Variants in UBASH3B observed in about 807,000 individuals in gnomAD.
UBASH3B encodes ubiquitin-associated and SH3 domain-containing protein B.
A neutral mutation model predicts 83.4 loss-of-function variants in UBASH3B; 37 were observed. That is an observed-to-expected ratio of 0.44 (90% CI 0.34 to 0.58). The LOEUF is 0.58. Ranked by LOEUF, UBASH3B falls within the 20% of genes least tolerant of loss-of-function variation. The pLI is 0.01. For synonymous variants in UBASH3B, 304 were observed against 318.3 expected, an observed-to-expected ratio of 0.96 and a Z score of 0.48; for missense variants, 657 against 827.2, an observed-to-expected ratio of 0.79 and a Z score of 2.52.
chr11:122,731,916 C>T (rs970922749), intron 1 of UBASH3B, among the ~76,000 whole-genome samples: 4 of 152,134 alleles, frequency 2.6e-5, no homozygotes, highest in South Asian at 2.1e-4. Flanking sequence ...CCCATGGCCA[C>T]GTTCTTTAGT....
intron 11 of UBASH3B, among the ~76,000 whole-genome samples, chr11:122,803,571 T>TA (rs1487654159): frequency 6.6e-6 from 1 of 151,860 alleles, no homozygotes; most frequent in African/African-American, 2.4e-5. Flanking sequence ...ACCCCAGCCT[T>TA]GAGGAGCTGG....
chr11:122,800,854 TC>T (rs1861246116), intron 10 of UBASH3B, among the ~76,000 whole-genome samples: 3 of 152,048 alleles, frequency 2.0e-5, no homozygotes, highest in Admixed American at 2.0e-4. Flanking sequence ...TAATCTGCCC[TC>T]CTCCGCCTCC....
intron 1 of UBASH3B, among the ~76,000 whole-genome samples, chr11:122,688,613 AT>A (rs1472092571): frequency 8.8e-6 from 1 of 113,956 alleles, no homozygotes; most frequent in Admixed American, 1.0e-4. Flanking sequence ...CGTCTGGCTA[AT>A]TTTTTTCTTT....
intron 1 of UBASH3B, among the ~76,000 whole-genome samples, chr11:122,661,952 G>C (rs1273998798): frequency 6.9e-6 from 1 of 144,226 alleles, no homozygotes; most frequent in Non-Finnish European, 1.5e-5. Flanking sequence ...TGTTGCCCAA[G>C]CTGGAGTGCA....
At chr11:122,760,537 A>G (rs1411996663) in intron 1 of UBASH3B, among the ~76,000 whole-genome samples, 2 of 151,884 alleles carry the variant, frequency 1.3e-5, no homozygotes, top group African/African-American at 2.4e-5. Flanking sequence ...ATTTTTTTGT[A>G]TTTTTAGTAG....
chr11:122,774,450 G>A lies in UBASH3B; in HGVS notation c.162-1769G>A, dbSNP rs77753395. ...TCACCCCAGCCAGGCTGCTTTAAGC[G>A]CATTTCATCACTTCTTTCCACCTGA... On this transcript the variant is annotated intron_variant, in intron 1 of 13. Transcript: ENST00000284273. Among the ~76,000 whole-genome samples the A allele has an allele frequency of 9.8e-3, 1,493 of 152,296 alleles. 18 individuals are homozygous for A. Among genetic ancestry groups the A allele is most frequent in the African/African-American group, 0.034 (1,407 of 41,552 alleles).
intron 1 of UBASH3B, among the ~76,000 whole-genome samples, chr11:122,739,158 G>A (rs1055852972): frequency 6.6e-5 from 10 of 152,028 alleles, no homozygotes; most frequent in East Asian, 1.9e-4. Flanking sequence ...CACCACACCC[G>A]GGTAATTTGT....
chr11:122,682,828 G>A lies in UBASH3B; in HGVS notation c.161+26618G>A, dbSNP rs946775379. 3.5e-4 allele frequency among the ~76,000 whole-genome samples: 53 copies of A among 152,152 alleles called. 1 individual carries two copies. Among genetic ancestry groups the A allele is most frequent in the Non-Finnish European group, 2.9e-5 (2 of 68,034 alleles). ...AACTACTGATTAAAAAAATTTAATG[G>A]AAATTTTCTAACTTATCCTAAGGTA... On this transcript the variant is annotated intron_variant, in intron 1 of 13. Coordinates refer to ENST00000284273, the MANE Select transcript of UBASH3B (RefSeq NM_032873.5).
intron 1 of UBASH3B, among the ~76,000 whole-genome samples, chr11:122,669,379 G>C (rs926700211): frequency 6.6e-6 from 1 of 152,024 alleles, no homozygotes; most frequent in Non-Finnish European, 1.5e-5. Flanking sequence ...TCCTGTCTCT[G>C]TCTGTGACTC....
intron 1 of UBASH3B, among the ~76,000 whole-genome samples, chr11:122,688,982 G>C (rs1343058768): frequency 4.1e-4 from 6 of 14,516 alleles, no homozygotes; most frequent in South Asian, 2.8e-3. Context: ...GGGAGGCGGG[G>C]GGGGGGGGGG....
intron 5 of UBASH3B, among the ~76,000 whole-genome samples, chr11:122,787,452 G>T (rs1008785114): frequency 6.6e-6 from 1 of 152,214 alleles, no homozygotes; most frequent in African/African-American, 2.4e-5. Context: ...CGGAAATGCA[G>T]CGGTGCAAAT....
At chr11:122,721,244 C>CAAAAA (rs34298191) in intron 1 of UBASH3B, among the ~76,000 whole-genome samples, 7 of 73,136 alleles carry the variant, frequency 9.6e-5, no homozygotes, top group Non-Finnish European at 1.3e-4. Context: ...GACTGTGTCT[C>CAAAAA]AAAAAAAAAA....
chr11:122,720,593 T>C (rs1174481407), intron 1 of UBASH3B, among the ~76,000 whole-genome samples: 1 of 152,162 alleles, frequency 6.6e-6, no homozygotes, highest in Non-Finnish European at 1.5e-5. Flanking sequence ...TGAATCTGTT[T>C]CCTAGCATGT....
intron 1 of UBASH3B, among the ~76,000 whole-genome samples, chr11:122,741,534 C>A (rs1861025254): frequency 6.6e-6 from 1 of 152,134 alleles, no homozygotes; most frequent in South Asian, 2.1e-4. Context: ...AGTGAACATC[C>A]CACTCCAGAG....
chr11:122,767,076 G>A (rs1433429954), intron 1 of UBASH3B, among the ~76,000 whole-genome samples: 3 of 152,070 alleles, frequency 2.0e-5, no homozygotes, highest in Admixed American at 2.0e-4. Context: ...TCACGAGATC[G>A]AGACCAGCCT....
At chr11:122,799,745 T>C (rs1861220050) in intron 10 of UBASH3B, among the ~76,000 whole-genome samples, 1 of 152,174 alleles carries the variant, frequency 6.6e-6, no homozygotes, top group Non-Finnish European at 1.5e-5. Context: ...TTTACTTAAT[T>C]AGAAAGACTT....
chr11:122,686,101 G>A (rs886879502), intron 1 of UBASH3B, among the ~76,000 whole-genome samples: 2 of 152,144 alleles, frequency 1.3e-5, no homozygotes, highest in African/African-American at 4.8e-5. Context: ...AAAAAGAGCA[G>A]GTTTCTTCCC....
At chr11:122,780,086 G>A (rs920432727) in intron 4 of UBASH3B, among the ~76,000 whole-genome samples, 2 of 152,096 alleles carry the variant, frequency 1.3e-5, no homozygotes, top group Non-Finnish European at 2.9e-5. Context: ...GGGTCTCATT[G>A]TTCACTCCAT....
chr11:122,776,770 C>T (rs995368961), intron 2 of UBASH3B, among the ~76,000 whole-genome samples: 8 of 151,960 alleles, frequency 5.3e-5, no homozygotes, highest in African/African-American at 1.9e-4. Flanking sequence ...TCCTGGAGAG[C>T]GGTTTTAGGA....
Sources: allele counts gnomAD v4.1 joint callset (sites outside exome capture counted in the v4.1 genomes callset), GRCh38; gene constraint gnomAD v4.1.1; transcripts MANE v1.5; gene names NCBI Gene and HGNC (gene_info 2026-07-23, HGNC 2026-07-21).